The following MED23 variants were observed in gnomAD, a reference collection of about 807,000 sequenced individuals.
The protein encoded by MED23 is mediator complex subunit 23, also known as mediator of RNA polymerase II transcription subunit 23.
A neutral mutation model predicts 163.9 loss-of-function variants in MED23; 105 were observed. The observed-to-expected ratio is 0.64, with a 90% CI of 0.55 to 0.75. MED23 has a LOEUF of 0.75. Among genes scored for constraint, MED23 ranks in the 30% least tolerant of loss-of-function variants. MED23 has a pLI of 0.00. For missense variants in MED23, 1,054 were observed against 1,649.0 expected (o/e 0.64, Z 6.25); for synonymous variants, 561 against 565.6 (o/e 0.99, Z 0.12).
At chr6:131,627,346 A>AT in intron 3 of MED23, 50 bp downstream of exon 3, 1 of 1,310,414 alleles carries the variant, frequency 7.6e-7, no homozygotes, top group Non-Finnish European at 1.1e-6. Flanking sequence ...AAAAAAAAAA[A>AT]GAAGAGGCCA....
chr6:131,608,385 A>C (rs561012052), intron 11 of MED23, among the ~76,000 whole-genome samples: 6 of 152,190 alleles, frequency 3.9e-5, no homozygotes, highest in Admixed American at 6.5e-5. Context: ...TAAGTTGATC[A>C]TGTGTGCATG....
Position 131,618,409 on chromosome 6 carries a change from TATC to T in MED23, c.775_777del (p.Asp259del). The T allele has an allele frequency of 1.2e-6, 2 of 1,608,194 alleles. No homozygotes were observed. The highest frequency in any genetic ancestry group is 8.5e-7 in the Non-Finnish European group (1 of 1,174,756). On this transcript the variant is annotated inframe_deletion, in exon 9 of 29. Transcript: ENST00000368068. The stretch of plus-strand genomic sequence containing the variant: ...TGCCATTATATTTAGCAACATACCT[TATC>T]ATATGGCAAAAGGCCTTTCAAAGGA...
chr6:131,588,062 ATATAT>A (rs1410037691), intron 28 of MED23, among the ~76,000 whole-genome samples: 3 of 152,278 alleles, frequency 2.0e-5, no homozygotes, highest in East Asian at 1.9e-4. Flanking sequence ...CACACCCCTT[ATATAT>A]TATATGTGCA....
chr6:131,628,286 A>G, upstream of MED23: 2 of 557,268 alleles, frequency 3.6e-6, no homozygotes, highest in Non-Finnish European at 6.4e-6. Context: ...CGCAGAAACC[A>G]GCGGCGCCAC....
At chr6:131,609,506 CTTT>C (rs71030751) in intron 11 of MED23, among the ~76,000 whole-genome samples, 396 of 98,030 alleles carry the variant, frequency 4.0e-3, no homozygotes, top group African/African-American at 0.017. Context: ...GAGACTATTC[CTTT>C]TTTTTTTTTT....
intron 10 of MED23, among the ~76,000 whole-genome samples, chr6:131,615,503 CAAAAAAAAAA>C (rs917020235): frequency 7.1e-5 from 1 of 14,160 alleles, no homozygotes; most frequent in Non-Finnish European, 1.3e-4. Context: ...AAACACACAC[CAAAAAAAAAA>C]AAAAAAAAAA....
intron 17 of MED23, among the ~76,000 whole-genome samples, chr6:131,600,972 T>G (rs1365957819): frequency 6.6e-6 from 1 of 151,816 alleles, no homozygotes; most frequent in Non-Finnish European, 1.5e-5. Flanking sequence ...CCAAGTTTGA[T>G]GGGTGTCTTG....
chr6:131,620,039 CT>C, intron 7 of MED23, 143 bp from the exon 8 acceptor site: 2 of 643,898 alleles, frequency 3.1e-6, no homozygotes, highest in Non-Finnish European at 5.5e-6. Context: ...GGTTAGCTCC[CT>C]TTTGCTTCCT....
At position 131,598,326 on chromosome 6, in the gene MED23, C is replaced by T. The variant is rs942864011; in HGVS notation, c.2568G>A (p.Lys856=). ...ATCTGTCCAGTGTAACAATGTTATACTTCCATACCATGTCATTAAGAATTT... is the reference window on the plus strand; with the variant it reads ...ATCTGTCCAGTGTAACAATGTTATATTTCCATACCATGTCATTAAGAATTT... ...CIEILNDMVW[K]YNIVTLDRLI... is the part of the protein sequence containing the mutation. The change falls in exon 20 of 29, where the codon AAG becomes AAA. Residue 856 remains lysine (K), a synonymous_variant. Transcript: ENST00000368068. This position sits in a 1 kb window ranked among gnomAD's most constrained non-coding sequence, Gnocchi z 4.7. 1.9e-5 allele frequency: 30 copies of T among 1,613,948 alleles called. No individual in the cohort carries two copies. The African/African-American group carries it at 3.3e-4, about 18-fold the overall frequency.
intron 21 of MED23, 118 bp from the exon 22 acceptor site, chr6:131,596,281 C>A (rs1775041631): frequency 6.2e-6 from 6 of 965,024 alleles, no homozygotes; most frequent in Admixed American, 4.3e-5. Context: ...TAAAATTATA[C>A]TTGATTATAC....
chr6:131,602,911 T>C, intron 16 of MED23, 119 bp downstream of exon 16: 3 of 1,071,322 alleles, frequency 2.8e-6, no homozygotes, highest in Non-Finnish European at 4.0e-6. Context: ...AGAGAAGTTT[T>C]ATGACAGATG....
chr6:131,583,847 G>A, downstream of MED23: 3 of 1,614,118 alleles, frequency 1.9e-6, no homozygotes, highest in Non-Finnish European at 2.5e-6. Flanking sequence ...ACCTTGGCTT[G>A]TTTCGGACTT....
downstream of MED23, chr6:131,582,832 T>C (rs944303691): frequency 2.6e-5 from 22 of 832,010 alleles, no homozygotes; most frequent in Middle Eastern, 2.3e-4. Context: ...CACACACACA[T>C]GCCCACACAC....
Position 131,607,294 on chromosome 6 carries a change from T to C in MED23, c.1221+634A>G, listed in dbSNP as rs1775925625. ...TTATACCCATCATCAAGAAATACTCTTGTTTCATCTTAAAATTTTCTGGGC... is the reference window on the plus strand; with the variant it reads ...TTATACCCATCATCAAGAAATACTCCTGTTTCATCTTAAAATTTTCTGGGC... On this transcript the variant is annotated intron_variant, in intron 12 of 28. Transcript: ENST00000368068. 4.6e-5 allele frequency among the ~76,000 whole-genome samples: 7 copies of C among 151,760 alleles called. No individual in the cohort carries two copies. The South Asian group carries it at 1.5e-3, about 32-fold the overall frequency.
At chr6:131,600,494 C>T (rs752139098) in intron 17 of MED23, among the ~76,000 whole-genome samples, 65 of 152,096 alleles carry the variant, frequency 4.3e-4, no homozygotes, top group Non-Finnish European at 5.3e-4. Flanking sequence ...GTACTTTATT[C>T]GGCCAAGGGA....
At position 131,596,509 on chromosome 6, in the gene MED23, G is replaced by C; in HGVS notation, c.2778+9C>G. 1 of 1,613,856 alleles carries C rather than the reference G, an allele frequency of 6.2e-7. No homozygotes were observed. The highest frequency in any genetic ancestry group is 8.5e-7 in the Non-Finnish European group (1 of 1,179,800). On this transcript the variant is annotated intron_variant, in intron 21 of 28. Transcript: ENST00000368068. ...AAGGACTATTTGAAATACCAATTAG[G>C]ACTAGTACCTTGTGATAATTCATGT... is the stretch of plus-strand genomic sequence containing the variant.
chr6:131,620,516 G>T (rs761591108), intron 7 of MED23, 112 bp downstream of exon 7: 8 of 739,022 alleles, frequency 1.1e-5, no homozygotes, highest in Non-Finnish European at 1.7e-5. Context: ...CCCAGGTTGG[G>T]TCTTGAACTC....
In MED23 at chr6:131,587,182, A is replaced by C; in HGVS notation, c.*497T>G. 1 of 1,136,170 alleles carries C rather than the reference A, an allele frequency of 8.8e-7. No homozygotes were observed. The highest frequency in any genetic ancestry group is 4.3e-5 in the East Asian group (1 of 23,208). The allele number at this position is 1,136,170 out of a possible 1,614,324, so 70.4% of individuals were successfully genotyped here. On this transcript the variant is annotated 3_prime_UTR_variant, in exon 29 of 29. Coordinates refer to ENST00000368068, the MANE Select transcript of MED23 (RefSeq NM_004830.4). ...AATATGAAGCCTTGTTTGCTCCTAC[A>C]ATGCAACAAAATCTAGATTCCTTTT...
intron 20 of MED23, 54 bp from the exon 21 acceptor site, chr6:131,596,742 T>C: frequency 6.6e-7 from 1 of 1,519,528 alleles, no homozygotes; most frequent in Non-Finnish European, 9.1e-7. Flanking sequence ...TGTAAAATCA[T>C]GAGGGCCATC....
Sources: gnomAD v4.1 joint callset for allele counts (sites outside exome capture counted in the v4.1 genomes callset) on GRCh38, gnomAD v4.1.1 for gene constraint, Gnocchi (gnomAD v3.1) non-coding constraint, MANE v1.5 for transcripts, NCBI Gene and HGNC (gene_info 2026-07-23, HGNC 2026-07-21) for gene names.